Variants in EPHA6 observed in about 807,000 individuals in gnomAD.
EPHA6 encodes the protein ephrin type-A receptor 6.
In EPHA6, 50 loss-of-function variants were observed where a neutral mutation model predicts 112.0. The ratio of observed to expected loss-of-function variants is 0.45; its 90% CI spans 0.36 to 0.56. The LOEUF (loss-of-function observed/expected upper bound fraction) is 0.56. EPHA6 is among the 20% of genes least tolerant of loss of function. EPHA6 has a pLI of 0.00. For synonymous variants in EPHA6, 529 were observed against 490.7 expected, an observed-to-expected ratio of 1.08 and a Z score of -1.03; for missense variants, 1,280 against 1,417.4, an observed-to-expected ratio of 0.90 and a Z score of 1.56.
At chr3:97,580,202 T>G (rs2093424767) in intron 11 of EPHA6, among the ~76,000 whole-genome samples, 1 of 152,202 alleles carries the variant, frequency 6.6e-6, no homozygotes, top group Non-Finnish European at 1.5e-5. Flanking sequence ...CTTCCAAATG[T>G]TTTCCTCTCC....
intron 3 of EPHA6, among the ~76,000 whole-genome samples, chr3:97,008,222 C>G (rs977425637): frequency 6.6e-6 from 1 of 152,164 alleles, no homozygotes; most frequent in Non-Finnish European, 1.5e-5. Flanking sequence ...TCCATTCTCC[C>G]TGTCTCCTTC....
At chr3:97,541,879 GAT>G (rs138848847) in intron 11 of EPHA6, among the ~76,000 whole-genome samples, 3 of 150,206 alleles carry the variant, frequency 2.0e-5, no homozygotes, top group Non-Finnish European at 3.0e-5. Context: ...GAACTAATAG[GAT>G]ATATATATAT....
chr3:96,836,109 A>C lies in EPHA6; in HGVS notation c.385+21101A>C, dbSNP rs1441011649. ...ATGCAGCACTTGACAAGTAGCTTTC[A>C]TCTCTGTGAATTTTTTCATAAACAG... On this transcript the variant is annotated intron_variant, in intron 1 of 17. Transcript: ENST00000389672. Among the ~76,000 whole-genome samples, 6 of 151,846 alleles carry C rather than the reference A, an allele frequency of 4.0e-5. No homozygotes were observed. The East Asian group carries it at 9.7e-4, about 25-fold the overall frequency.
intron 1 of EPHA6, among the ~76,000 whole-genome samples, chr3:96,827,554 T>C (rs535857898): frequency 6.6e-6 from 1 of 152,122 alleles, no homozygotes; most frequent in Non-Finnish European, 1.5e-5. Flanking sequence ...TGAAGTGTGC[T>C]AGAAAGCAAT....
At chr3:97,687,993 T>C (rs1372105864) in intron 14 of EPHA6, among the ~76,000 whole-genome samples, 1 of 152,192 alleles carries the variant, frequency 6.6e-6, no homozygotes, top group South Asian at 2.1e-4. Context: ...TACATTCCAT[T>C]GGCCAACCAA....
rs2077667290 is a variant in EPHA6, at chr3:97,204,656, ATTCTCCAT to A, written c.1115-21607_1115-21600del. Among the ~76,000 whole-genome samples, 18 of 152,248 alleles carry A rather than the reference ATTCTCCAT, an allele frequency of 1.2e-4. No homozygotes were observed. The South Asian group carries it at 3.7e-3, about 32-fold the overall frequency. On this transcript the variant is annotated intron_variant, in intron 3 of 17. Coordinates refer to ENST00000389672, the MANE Select transcript of EPHA6 (RefSeq NM_001080448.3). ...AGTTTCTATATTTTTATGATAAATT[ATTCTCCAT>A]CATTTTGGGAAAAAACAAAGACACT...
Position 97,352,618 on chromosome 3 carries a change from G to C in EPHA6, c.1607-52532G>C, listed in dbSNP as rs554796135. Among the ~76,000 whole-genome samples the C allele has an allele frequency of 3.3e-5, 5 of 152,304 alleles. No individual in the cohort carries two copies. The East Asian group carries it at 7.7e-4, about 24-fold the overall frequency. On this transcript the variant is annotated intron_variant, in intron 5 of 17. Transcript: ENST00000389672. ...ATTTAGATCAGCCCTAGCTAGAGGG[G>C]AGGTGTCCATCCCAGCAGTCAGAAC...
At chr3:97,294,241 C>G (rs2080799110) in intron 5 of EPHA6, among the ~76,000 whole-genome samples, 1 of 152,226 alleles carries the variant, frequency 6.6e-6, no homozygotes, top group African/African-American at 2.4e-5. Context: ...CCCACTGAAT[C>G]CACAAAGCAC....
At chr3:97,162,133 C>G (rs899657436) in intron 3 of EPHA6, among the ~76,000 whole-genome samples, 12 of 152,204 alleles carry the variant, frequency 7.9e-5, no homozygotes, top group African/African-American at 2.9e-4. Flanking sequence ...GGATCTGTCT[C>G]TCTCCTGCAC....
At position 97,546,625 on chromosome 3, in the gene EPHA6, T is replaced by G. The variant is rs1297469888; in HGVS notation, c.2386+14082T>G. On this transcript the variant is annotated intron_variant, in intron 11 of 17. Transcript: ENST00000389672. ...GAATGTTGGCCTGCCTTGCTATATT[T>G]GGGAAGTTCTCCTGGATAATATCCT... Among the ~76,000 whole-genome samples the G allele has an allele frequency of 9.2e-5, 14 of 152,318 alleles. No homozygotes were observed. The South Asian group carries it at 1.5e-3, about 16-fold the overall frequency.
chr3:97,529,651 G>A (rs960590629), intron 10 of EPHA6, among the ~76,000 whole-genome samples: 1 of 151,350 alleles, frequency 6.6e-6, no homozygotes, highest in Non-Finnish European at 1.5e-5. Flanking sequence ...TTTCCTTTCT[G>A]CCTCGTATGT....
At chr3:97,187,650 GAA>G (rs1191047736) in intron 3 of EPHA6, among the ~76,000 whole-genome samples, 1 of 121,764 alleles carries the variant, frequency 8.2e-6, no homozygotes, top group African/African-American at 3.2e-5. Flanking sequence ...AAGAGAGAGA[GAA>G]AGAAAGAAAG....
intron 16 of EPHA6, among the ~76,000 whole-genome samples, chr3:97,741,584 C>G (rs1366981058): frequency 6.6e-6 from 1 of 151,968 alleles, no homozygotes; most frequent in South Asian, 2.1e-4. Flanking sequence ...CCCTTAGACA[C>G]GGAAACAGAG....
At chr3:97,332,922 G>A (rs1314569268) in intron 5 of EPHA6, among the ~76,000 whole-genome samples, 1 of 147,766 alleles carries the variant, frequency 6.8e-6, no homozygotes, top group African/African-American at 2.5e-5. Context: ...CTTTTTTTTT[G>A]TCAAGATTTT....
intron 14 of EPHA6, among the ~76,000 whole-genome samples, chr3:97,697,819 C>T (rs1240434936): frequency 6.6e-6 from 1 of 152,194 alleles, no homozygotes; most frequent in Non-Finnish European, 1.5e-5. Flanking sequence ...CTTTCCTCCC[C>T]AAACTGCTTC....
intron 3 of EPHA6, among the ~76,000 whole-genome samples, chr3:97,159,344 C>T (rs2076360892): frequency 6.6e-6 from 1 of 152,028 alleles, no homozygotes; most frequent in South Asian, 2.1e-4. Flanking sequence ...GTCTTAACTT[C>T]CAGTTCAATG....
chr3:97,687,228 A>C (rs1490732673), intron 14 of EPHA6, among the ~76,000 whole-genome samples: 1 of 152,088 alleles, frequency 6.6e-6, no homozygotes. Context: ...TATATATTTT[A>C]GTCTGCCGTA....
rs188167565 is a variant in EPHA6, at chr3:97,648,523, C to A, written c.2784+10441C>A. On this transcript the variant is annotated intron_variant, in intron 14 of 17. Transcript: ENST00000389672. ...TGACTTTTTGAAGTTAATTTTTAAG[C>A]CTTGAACATGTCCAACTTTAAGAAC... The A allele has an allele frequency of 1.4e-3, 1,838 of 1,277,232 alleles. 15 individuals are homozygous for A. Among genetic ancestry groups the A allele is most frequent in the South Asian group, 1.6e-3 (54 of 33,872 alleles). 79.1% of individuals were successfully genotyped at this position (1,277,232 alleles called of 1,614,324 possible).
intron 2 of EPHA6, among the ~76,000 whole-genome samples, chr3:96,904,524 G>C (rs1459459391): frequency 6.6e-6 from 1 of 150,998 alleles, no homozygotes; most frequent in African/African-American, 2.4e-5. Context: ...GAGTTACTGG[G>C]TGCAGCACAC....
Sources: gnomAD v4.1 joint callset for allele counts (sites outside exome capture counted in the v4.1 genomes callset) on GRCh38, gnomAD v4.1.1 for gene constraint, MANE v1.5 for transcripts, NCBI Gene and HGNC (gene_info 2026-07-23, HGNC 2026-07-21) for gene names.